Variants in SUGCT observed in about 807,000 individuals in gnomAD.
SUGCT encodes succinyl-CoA:glutarate CoA-transferase.
Under a neutral mutation model 55.0 loss-of-function variants are expected in SUGCT, and 41 were observed. The observed-to-expected ratio is 0.74, with a 90% CI of 0.58 to 0.97. The LOEUF is 0.97. SUGCT is among the 50% of genes least tolerant of loss of function. The probability of loss-of-function intolerance (pLI) is 0.00; values close to 1 mark genes in which losing one functional copy is unlikely to be tolerated. For missense variants in SUGCT, 568 were observed against 547.8 expected, an observed-to-expected ratio of 1.04 and a Z score of -0.37; for synonymous variants, 187 against 200.4, an observed-to-expected ratio of 0.93 and a Z score of 0.56.
chr7:40,238,894 C>T (rs1338868234), intron 7 of SUGCT, among the ~76,000 whole-genome samples: 1 of 151,012 alleles, frequency 6.6e-6, no homozygotes, highest in Non-Finnish European at 1.5e-5. Context: ...GATCTCAGCT[C>T]ACTGCAGCCT....
intron 9 of SUGCT, among the ~76,000 whole-genome samples, chr7:40,354,249 A>G (rs577696695): frequency 6.6e-6 from 1 of 152,288 alleles, no homozygotes; most frequent in East Asian, 1.9e-4. Flanking sequence ...GGGGCAGTAG[A>G]ATACAGAATT....
At chr7:40,576,640 G>A (rs1171635835) in intron 12 of SUGCT, among the ~76,000 whole-genome samples, 1 of 152,218 alleles carries the variant, frequency 6.6e-6, no homozygotes, top group Non-Finnish European at 1.5e-5. Flanking sequence ...GGCAAGAGTT[G>A]CCGGGATTGT....
chr7:40,414,673 A>G (rs1362994411), intron 9 of SUGCT, among the ~76,000 whole-genome samples: 7 of 151,942 alleles, frequency 4.6e-5, no homozygotes, highest in Non-Finnish European at 7.4e-5. Flanking sequence ...TTGGGAGGCC[A>G]GGGCGGGCAG....
At chr7:40,909,561 G>A in the SUGCT span, among the ~76,000 whole-genome samples, 1 of 152,206 alleles carries the variant, frequency 6.6e-6, no homozygotes, top group Non-Finnish European at 1.5e-5. Context: ...AGGGAGGAGA[G>A]AACTACGGGG....
At chr7:40,917,192 G>A in the SUGCT span, among the ~76,000 whole-genome samples, 1 of 152,168 alleles carries the variant, frequency 6.6e-6, no homozygotes, top group Non-Finnish European at 1.5e-5. Flanking sequence ...ATTCATGACT[G>A]TCAACTCTAG....
At chr7:40,327,623 A>C (rs1364878318) in intron 9 of SUGCT, among the ~76,000 whole-genome samples, 1 of 152,218 alleles carries the variant, frequency 6.6e-6, no homozygotes, top group Non-Finnish European at 1.5e-5. Flanking sequence ...GGTGCAAGGA[A>C]AGTAAAAGTA....
chr7:41,009,209 A>T, the SUGCT span, among the ~76,000 whole-genome samples: 1 of 40,164 alleles, frequency 2.5e-5, no homozygotes, highest in East Asian at 9.7e-4. Context: ...GTCTCTCTCT[A>T]AAAAAAAAAA....
At chr7:40,753,985 T>C (rs932465334) in intron 13 of SUGCT, among the ~76,000 whole-genome samples, 1 of 152,134 alleles carries the variant, frequency 6.6e-6, no homozygotes, top group African/African-American at 2.4e-5. Context: ...TTCATATGAG[T>C]CTCTATCATC....
chr7:40,937,259 C>G, the SUGCT span, among the ~76,000 whole-genome samples: 21 of 152,274 alleles, frequency 1.4e-4, no homozygotes, highest in African/African-American at 5.1e-4. Flanking sequence ...ACCTCTGCCT[C>G]CCAGGTTCAA....
the SUGCT span, among the ~76,000 whole-genome samples, chr7:41,012,816 G>C: frequency 6.6e-6 from 1 of 151,918 alleles, no homozygotes; most frequent in Non-Finnish European, 1.5e-5. Flanking sequence ...GAAAATTATG[G>C]TGATAATGCT....
the SUGCT span, among the ~76,000 whole-genome samples, chr7:40,917,674 C>T: frequency 3.9e-5 from 6 of 152,166 alleles, no homozygotes; most frequent in Non-Finnish European, 8.8e-5. Context: ...ACATGTTTCT[C>T]ACAGTATTGG....
chr7:40,154,261 G>A (rs981127883), intron 1 of SUGCT: 2 of 156,110 alleles, frequency 1.3e-5, no homozygotes, highest in Admixed American at 6.5e-5. Context: ...AAAAAGTGCA[G>A]TGTGCACTCT....
intron 6 of SUGCT, chr7:40,217,616 C>T (rs903659786): frequency 3.4e-6 from 1 of 291,578 alleles, no homozygotes; most frequent in Non-Finnish European, 6.9e-6. Context: ...CCTCTACTTT[C>T]TCCTCTGTTG....
intron 9 of SUGCT, among the ~76,000 whole-genome samples, chr7:40,365,851 T>G (rs891430030): frequency 6.6e-6 from 1 of 152,324 alleles, no homozygotes; most frequent in Non-Finnish European, 1.5e-5. Context: ...ATGTAATTTA[T>G]AGATTCAATG....
chr7:40,358,190 G>A (rs1046940795), intron 9 of SUGCT, among the ~76,000 whole-genome samples: 5 of 152,116 alleles, frequency 3.3e-5, no homozygotes, highest in African/African-American at 9.7e-5. Context: ...AAAGATGATG[G>A]GTTAAAAATA....
At chr7:40,276,223 G>A (rs1012200508) in intron 8 of SUGCT, among the ~76,000 whole-genome samples, 2 of 152,182 alleles carry the variant, frequency 1.3e-5, no homozygotes, top group African/African-American at 4.8e-5. Flanking sequence ...GTTCAAATGA[G>A]TGGTTTCACT....
intron 6 of SUGCT, among the ~76,000 whole-genome samples, chr7:40,199,817 G>A (rs1354356823): frequency 6.6e-6 from 1 of 150,676 alleles, no homozygotes; most frequent in Non-Finnish European, 1.5e-5. Flanking sequence ...AAAGGAAGAG[G>A]GTTTGAAAAG....
intron 13 of SUGCT, among the ~76,000 whole-genome samples, chr7:40,830,783 A>T (rs1245553295): frequency 1.3e-5 from 2 of 152,216 alleles, no homozygotes; most frequent in Non-Finnish European, 2.9e-5. Flanking sequence ...TCCTCAGAGG[A>T]CAGCACAGAA....
chr7:40,412,969 G>A (rs1786775837), intron 9 of SUGCT, among the ~76,000 whole-genome samples: 1 of 151,926 alleles, frequency 6.6e-6, no homozygotes, highest in Non-Finnish European at 1.5e-5. Context: ...ATTTTGTAGG[G>A]CATAATATCT....
Sources: gnomAD v4.1 joint callset for allele counts (sites outside exome capture counted in the v4.1 genomes callset) on GRCh38, gnomAD v4.1.1 for gene constraint, MANE v1.5 for transcripts, NCBI Gene and HGNC (gene_info 2026-07-23, HGNC 2026-07-21) for gene names.